Variants in ATP2B2 observed in about 807,000 individuals in gnomAD.
ATP2B2 encodes the protein ATPase plasma membrane Ca2+ transporting 2, also known as plasma membrane calcium-transporting ATPase 2.
Under a neutral mutation model 120.0 loss-of-function variants are expected in ATP2B2, and 15 were observed. The ratio of observed to expected loss-of-function variants is 0.12; its 90% confidence interval spans 0.08 to 0.19. The LOEUF (loss-of-function observed/expected upper bound fraction) is 0.19, where lower values mean the gene tolerates loss of function less well. Ranked by LOEUF, ATP2B2 falls within the 10% of genes least tolerant of loss-of-function variation. The pLI, the probability that ATP2B2 is intolerant of heterozygous loss-of-function variation, is 1.00. For missense variants in ATP2B2, 1,045 were observed against 1,719.8 expected (o/e 0.61, Z 6.94); for synonymous variants, 694 against 700.3 (o/e 0.99, Z 0.14).
chr3:10,388,429 A>G (rs2061746877), intron 5 of ATP2B2, 27 bp from the exon 6 acceptor site: 1 of 1,613,930 alleles, frequency 6.2e-7, no homozygotes, highest in African/African-American at 1.3e-5. Context: ...AAGCCAAGTT[A>G]CCATTGCATG....
At position 10,375,324 on chromosome 3, in the gene ATP2B2, G is replaced by T; in HGVS notation, c.1416+106C>A. Reference sequence around the variant, plus strand: ...CTTCCAAGCTCCTAGGGGGTCTATGGGGCTTCTTCGTTCATCTCCCAACCC... The same window carrying T: ...CTTCCAAGCTCCTAGGGGGTCTATGTGGCTTCTTCGTTCATCTCCCAACCC... On this transcript the variant is annotated intron_variant, in intron 11 of 22. Transcript: ENST00000360273. This position sits in a 1 kb window ranked among gnomAD's most constrained non-coding sequence, Gnocchi z 4.2. 1.0e-6 allele frequency: 1 copy of T among 967,028 alleles called. No individual in the cohort carries two copies. Among genetic ancestry groups the T allele is most frequent in the Non-Finnish European group, 1.6e-6 (1 of 618,368 alleles). The allele number at this position is 967,028 out of a possible 1,614,324, so 59.9% of individuals were successfully genotyped here. A position where few individuals can be genotyped will look rare whatever the true frequency, so the allele number is the denominator to read the frequency against.
rs376285163 is a variant in ATP2B2 at position 10,370,632 on chromosome 3, C to G, written c.1659+1177G>C. On this transcript the variant is annotated intron_variant, in intron 12 of 22. Transcript: ENST00000360273. Reference sequence around the variant, plus strand: ...CGCCTCCTCCTCCTTCCCCTACCAGCCCTTGGCTCTTTGCTGCTGACTCAC... The same window carrying G: ...CGCCTCCTCCTCCTTCCCCTACCAGGCCTTGGCTCTTTGCTGCTGACTCAC... 5.9e-5 allele frequency among the ~76,000 whole-genome samples: 9 copies of G among 152,348 alleles called. No homozygotes were observed. The East Asian group carries it at 1.7e-3, about 29-fold the overall frequency.
In ATP2B2 at chr3:10,446,420, G is replaced by A. The variant is rs73117777; in HGVS notation, c.199+2925C>T. Among the ~76,000 whole-genome samples the A allele has an allele frequency of 7.0e-4, 107 of 152,292 alleles. 1 individual carries two copies. In the South Asian group the frequency reaches 0.019, roughly 27 times the overall value. ...TGAATCCTACCACACAGAACTACCC[G>A]TGTGTCAGGGACTGTTCTAAGCTAC... On this transcript the variant is annotated intron_variant, in intron 2 of 22. Coordinates refer to ENST00000360273, the MANE Select transcript of ATP2B2 (RefSeq NM_001001331.4).
chr3:10,487,741 C>A (rs1162754054), intron 1 of ATP2B2, among the ~76,000 whole-genome samples: 1 of 152,186 alleles, frequency 6.6e-6, no homozygotes, highest in Non-Finnish European at 1.5e-5. Flanking sequence ...TCATGGGAAT[C>A]ACGAGCTTGG....
At chr3:10,618,995 CTT>C (rs1331093839) in intron 2 of ATP2B2, among the ~76,000 whole-genome samples, 40 of 152,102 alleles carry the variant, frequency 2.6e-4, no homozygotes, top group African/African-American at 7.5e-4. Flanking sequence ...CAGGCTCTCT[CTT>C]GTCAAACCTT....
intron 2 of ATP2B2, among the ~76,000 whole-genome samples, chr3:10,573,262 G>T (rs1363383038): frequency 6.6e-6 from 1 of 151,834 alleles, no homozygotes; most frequent in East Asian, 1.9e-4. Context: ...GTAATGCAAT[G>T]AATAATTGAT....
rs1273470672 is a variant in ATP2B2 at position 10,651,243 on chromosome 3, G to GATGT, written c.-459-31283_-459-31282insACAT. ...AATGTGAGGACATGAGATTAGGGAGGGGCCAGATGTGGAATGATAGGGTTT... is the reference window on the plus strand; with the variant it reads ...AATGTGAGGACATGAGATTAGGGAGGATGTGGCCAGATGTGGAATGATAGGGTTT... On this transcript the variant is annotated intron_variant, in intron 1 of 21. Coordinates refer to the ATP2B2 transcript ENST00000646379. 3.3e-5 allele frequency among the ~76,000 whole-genome samples: 5 copies of GATGT among 152,128 alleles called. No individual in the cohort carries two copies. In the East Asian group the frequency reaches 9.6e-4, roughly 29 times the overall value.
chr3:10,684,473 G>A (rs2071469223), intron 1 of ATP2B2, among the ~76,000 whole-genome samples: 1 of 152,164 alleles, frequency 6.6e-6, no homozygotes, highest in Non-Finnish European at 1.5e-5. Flanking sequence ...TTTGTGCTGC[G>A]ATCTGGTCAC....
chr3:10,665,039 C>G (rs1420877315), intron 1 of ATP2B2, among the ~76,000 whole-genome samples: 1 of 152,200 alleles, frequency 6.6e-6, no homozygotes, highest in Non-Finnish European at 1.5e-5. Flanking sequence ...GCCTAGGCAA[C>G]CATGGTGGCT....
intron 1 of ATP2B2, among the ~76,000 whole-genome samples, chr3:10,473,401 G>A (rs567212474): frequency 6.6e-6 from 1 of 151,814 alleles, no homozygotes; most frequent in East Asian, 1.9e-4. Flanking sequence ...GGAGGCGGAG[G>A]CAGGTGGATC....
intron 1 of ATP2B2, among the ~76,000 whole-genome samples, chr3:10,660,047 A>C (rs2070739681): frequency 6.6e-6 from 1 of 152,240 alleles, no homozygotes. Flanking sequence ...CTTTGAAACC[A>C]ATGAGAATGA....
chr3:10,424,411 C>T (rs894902928), intron 2 of ATP2B2, among the ~76,000 whole-genome samples: 15 of 152,224 alleles, frequency 9.9e-5, no homozygotes, highest in Admixed American at 9.8e-4. Context: ...ACTCTTGAGA[C>T]AGCCTTTTGC....
At chr3:10,479,186 G>C (rs1559388396) in intron 1 of ATP2B2, among the ~76,000 whole-genome samples, 1 of 150,818 alleles carries the variant, frequency 6.6e-6, no homozygotes, top group Non-Finnish European at 1.5e-5. Flanking sequence ...TGGAAAAGCA[G>C]TGCTGATCAC....
intron 2 of ATP2B2, among the ~76,000 whole-genome samples, chr3:10,445,759 A>T (rs1216005019): frequency 6.6e-6 from 1 of 152,224 alleles, no homozygotes; most frequent in African/African-American, 2.4e-5. Flanking sequence ...TGTGACTCAG[A>T]GGCCAGCTCC....
At chr3:10,386,764 G>A (rs534764975) in intron 6 of ATP2B2, among the ~76,000 whole-genome samples, 3 of 152,270 alleles carry the variant, frequency 2.0e-5, no homozygotes, top group African/African-American at 7.2e-5. Context: ...GCTCCCCCAG[G>A]CTTCCTCTGC....
intron 5 of ATP2B2, among the ~76,000 whole-genome samples, chr3:10,397,913 C>T (rs974916697): frequency 3.3e-5 from 5 of 152,192 alleles, no homozygotes; most frequent in African/African-American, 1.2e-4. Context: ...AATTATACTG[C>T]TTTCTATGGA....
chr3:10,655,059 T>C (rs2070579249), intron 1 of ATP2B2, among the ~76,000 whole-genome samples: 1 of 152,152 alleles, frequency 6.6e-6, no homozygotes, highest in African/African-American at 2.4e-5. Flanking sequence ...TGAGCTTTCC[T>C]ACAAGCAGGA....
At chr3:10,462,959 C>G (rs1227620233) in intron 1 of ATP2B2, among the ~76,000 whole-genome samples, 1 of 152,114 alleles carries the variant, frequency 6.6e-6, no homozygotes, top group South Asian at 2.1e-4. Context: ...ATGGTCCTTG[C>G]CATTTTCTGA....
chr3:10,569,247 A>G (rs1342397914), intron 2 of ATP2B2, among the ~76,000 whole-genome samples: 3 of 152,246 alleles, frequency 2.0e-5, no homozygotes, highest in Non-Finnish European at 1.5e-5. Flanking sequence ...CACCTACTGT[A>G]TTCAAGACAC....
Sources: gnomAD v4.1 joint callset for allele counts (sites outside exome capture counted in the v4.1 genomes callset) on GRCh38, gnomAD v4.1.1 for gene constraint, Gnocchi (gnomAD v3.1) non-coding constraint, MANE v1.5 for transcripts, NCBI Gene and HGNC (gene_info 2026-07-23, HGNC 2026-07-21) for gene names.